Variants in ENKUR observed in about 807,000 individuals in gnomAD.
The protein encoded by ENKUR is enkurin, TRPC channel interacting protein.
Under a neutral mutation model 27.6 loss-of-function variants are expected in ENKUR, and 19 were observed. The observed-to-expected ratio is 0.69, with a 90% CI of 0.48 to 1.01. ENKUR has a LOEUF of 1.01. Among genes scored for constraint, ENKUR ranks in the 50% least tolerant of loss-of-function variants. The pLI, the probability that ENKUR is intolerant of heterozygous loss-of-function variation, is 0.00. For missense variants in ENKUR, 312 were observed against 310.5 expected, an observed-to-expected ratio of 1.00 and a Z score of -0.04; for synonymous variants, 117 against 96.9, an observed-to-expected ratio of 1.21 and a Z score of -1.22.
intron 2 of ENKUR, among the ~76,000 whole-genome samples, chr10:25,056,266 T>C (rs747047409): frequency 3.3e-5 from 5 of 152,190 alleles, no homozygotes; most frequent in Non-Finnish European, 7.3e-5. Flanking sequence ...CCATGAACTA[T>C]AGGCTGTATA....
chr10:25,048,320 A>C (rs1031908026), intron 2 of ENKUR, among the ~76,000 whole-genome samples: 1 of 152,142 alleles, frequency 6.6e-6, no homozygotes, highest in Non-Finnish European at 1.5e-5. Flanking sequence ...GGGGCAGCCA[A>C]AAGAGGAATG....
chr10:25,003,584 T>C (rs1850244593), intron 1 of ENKUR, among the ~76,000 whole-genome samples: 1 of 152,244 alleles, frequency 6.6e-6, no homozygotes, highest in African/African-American at 2.4e-5. Context: ...CACATAAATC[T>C]TATTCTTTCT....
In ENKUR at chr10:25,005,189, G is replaced by C. The variant is rs534641212; in HGVS notation, c.78-5643C>G. 2.3e-3 allele frequency among the ~76,000 whole-genome samples: 354 copies of C among 152,244 alleles called. 4 individuals are homozygous for C. The highest frequency in any genetic ancestry group is 7.3e-3 in the African/African-American group (303 of 41,542). ...CTGTAGTATAGTTTGAAGTCAGGCA[G>C]TGTCATGGATAATTGGCTCTATTTT... On this transcript the variant is annotated intron_variant, in intron 1 of 5. Transcript: ENST00000331161.
chr10:25,035,713 C>T (rs1850999886), intron 2 of ENKUR, among the ~76,000 whole-genome samples: 1 of 152,034 alleles, frequency 6.6e-6, no homozygotes, highest in Admixed American at 6.5e-5. Flanking sequence ...CTGATGAATA[C>T]AAAGATAAAC....
intron 1 of ENKUR, among the ~76,000 whole-genome samples, chr10:25,009,941 T>C (rs1472593525): frequency 1.3e-5 from 2 of 152,236 alleles, no homozygotes; most frequent in Non-Finnish European, 2.9e-5. Context: ...CTTGGGTATG[T>C]ACTTATCAGT....
chr10:24,997,807 T>TTATATATATATATA (rs58973955), intron 2 of ENKUR, among the ~76,000 whole-genome samples: 8 of 144,890 alleles, frequency 5.5e-5, no homozygotes, highest in African/African-American at 2.1e-4. Flanking sequence ...CACAAAGGAT[T>TTATATATATATATA]TATATATATA....
chr10:25,017,662 C>T (rs1431666289), upstream of ENKUR, among the ~76,000 whole-genome samples: 1 of 150,418 alleles, frequency 6.6e-6, no homozygotes, highest in Non-Finnish European at 1.5e-5. Context: ...AATTTTTGTC[C>T]CAGACGCTTA....
At position 24,984,328 on chromosome 10, in the gene ENKUR, A is replaced by C; in HGVS notation, c.*42T>G. The C allele has an allele frequency of 6.3e-7, 1 of 1,588,924 alleles. No homozygotes were observed. Among genetic ancestry groups the C allele is most frequent in the Non-Finnish European group, 8.6e-7 (1 of 1,168,440 alleles). On this transcript the variant is annotated 3_prime_UTR_variant, in exon 6 of 6. Coordinates refer to ENST00000331161, the MANE Select transcript of ENKUR (RefSeq NM_145010.4). ...CAAGAAGGCACGTGTTACTATTTCCAGTTCAAAATACTTAACAGTTTTCAA... is the reference window on the plus strand; with the variant it reads ...CAAGAAGGCACGTGTTACTATTTCCCGTTCAAAATACTTAACAGTTTTCAA...
chr10:25,018,706 A>G (rs1319804217), upstream of ENKUR, among the ~76,000 whole-genome samples: 1 of 149,578 alleles, frequency 6.7e-6, no homozygotes, highest in East Asian at 1.9e-4. Flanking sequence ...ATCTATTTAA[A>G]TGAATAAAAT....
chr10:25,061,112 C>A lies in ENKUR; in HGVS notation c.37G>T (p.Glu13Ter), dbSNP rs751880550. 6.5e-7 allele frequency: 1 copy of A among 1,536,070 alleles called. No individual in the cohort carries two copies. Among genetic ancestry groups the A allele is most frequent in the South Asian group, 1.2e-5 (1 of 84,054 alleles). Residue 13 changes from glutamate to a stop codon, truncating the protein, a stop_gained and splice_region_variant, in exon 2 of 6, where the codon GAA becomes TAA. Coordinates refer to the ENKUR transcript ENST00000615958. LOFTEE classifies it high-confidence loss of function. ...GTGAACACAAGAATGTCAGTATTACCTGGGGAGCCACCTCCAGTCACCCGC... is the reference window on the plus strand; with the variant it reads ...GTGAACACAAGAATGTCAGTATTACATGGGGAGCCACCTCCAGTCACCCGC...
intron 2 of ENKUR, among the ~76,000 whole-genome samples, chr10:25,038,282 A>C (rs1851027591): frequency 6.6e-6 from 1 of 152,232 alleles, no homozygotes; most frequent in African/African-American, 2.4e-5. Flanking sequence ...GATTTCCGTG[A>C]AATTTACACT....
chr10:25,024,284 CT>C (rs1695852080), intron 2 of ENKUR: 1 of 1,614,072 alleles, frequency 6.2e-7, no homozygotes, highest in African/African-American at 1.3e-5. Flanking sequence ...AAAGATTTGT[CT>C]TTACAGCTTA....
At chr10:25,054,470 T>TTTCTTTCTTTC (rs1300387891) in intron 2 of ENKUR, among the ~76,000 whole-genome samples, 6 of 101,440 alleles carry the variant, frequency 5.9e-5, no homozygotes, top group African/African-American at 2.0e-4. Context: ...TCTTTCTTTC[T>TTTCTTTCTTTC]TTCTTTCTTT....
intron 1 of ENKUR, among the ~76,000 whole-genome samples, chr10:25,011,719 CA>C (rs1439047896): frequency 6.6e-6 from 1 of 152,058 alleles, no homozygotes; most frequent in Non-Finnish European, 1.5e-5. Flanking sequence ...CAACAAAAGC[CA>C]AAATTGACAA....
intron 2 of ENKUR, chr10:25,023,947 T>C (rs1285806140): frequency 6.2e-7 from 1 of 1,614,168 alleles, no homozygotes. Context: ...GCCTGAAGAC[T>C]GTGAACAGAA....
At chr10:25,058,581 C>T (rs941837079) in intron 2 of ENKUR, among the ~76,000 whole-genome samples, 1 of 152,148 alleles carries the variant, frequency 6.6e-6, no homozygotes, top group Non-Finnish European at 1.5e-5. Context: ...AATGAGAGCG[C>T]TTATTCATGA....
chr10:25,047,725 TA>T (rs1250435643), intron 2 of ENKUR, among the ~76,000 whole-genome samples: 1 of 152,224 alleles, frequency 6.6e-6, no homozygotes, highest in Non-Finnish European at 1.5e-5. Flanking sequence ...CCAACAATTT[TA>T]AAGGCGACTT....
chr10:24,995,107 T>A (rs1850017053), intron 3 of ENKUR, among the ~76,000 whole-genome samples: 1 of 152,200 alleles, frequency 6.6e-6, no homozygotes, highest in Non-Finnish European at 1.5e-5. Flanking sequence ...AAGGACTAGA[T>A]TATTGTACAG....
chr10:24,984,398 A>AAG, intron 5 of ENKUR, 22 bp from the exon 6 acceptor site: 1 of 1,595,320 alleles, frequency 6.3e-7, no homozygotes, highest in Non-Finnish European at 8.5e-7. Context: ...AAAAAAAAAA[A>AAG]GTGAAGTTCT....
Sources: gnomAD v4.1 joint callset for allele counts (sites outside exome capture counted in the v4.1 genomes callset) on GRCh38, gnomAD v4.1.1 for gene constraint, MANE v1.5 for transcripts, NCBI Gene and HGNC (gene_info 2026-07-23, HGNC 2026-07-21) for gene names.